ASIC2: variants seen among roughly 807,000 people sequenced by gnomAD.
The protein encoded by ASIC2 is acid-sensing ion channel 2.
A neutral mutation model predicts 57.3 loss-of-function variants in ASIC2; 25 were observed. That is an observed-to-expected ratio of 0.44 (90% confidence interval 0.32 to 0.61). The LOEUF is 0.61. Ranked by LOEUF, ASIC2 falls within the 20% of genes least tolerant of loss-of-function variation. The pLI, the probability that ASIC2 is intolerant of heterozygous loss-of-function variation, is 0.06. For missense variants in ASIC2, 641 were observed against 738.1 expected, an observed-to-expected ratio of 0.87 and a Z score of 1.52; for synonymous variants, 319 against 307.5, an observed-to-expected ratio of 1.04 and a Z score of -0.39.
At chr17:33,513,544 T>A (rs1914485189) in intron 1 of ASIC2, among the ~76,000 whole-genome samples, 1 of 152,042 alleles carries the variant, frequency 6.6e-6, no homozygotes. Flanking sequence ...TGAAGAGGAG[T>A]TGGCTCCAAA....
chr17:33,433,253 C>A (rs1475314260), intron 1 of ASIC2, among the ~76,000 whole-genome samples: 1 of 152,168 alleles, frequency 6.6e-6, no homozygotes, highest in Non-Finnish European at 1.5e-5. Flanking sequence ...TTTGCAGGAA[C>A]ATGGATGGAG....
rs80132364 is a variant in ASIC2 at position 33,971,756 on chromosome 17, G to T, written c.555+184222C>A. Among the ~76,000 whole-genome samples, 1,201 of 152,220 alleles carry T rather than the reference G, an allele frequency of 7.9e-3. 11 individuals are homozygous for T. The highest frequency in any genetic ancestry group is 0.027 in the African/African-American group (1,122 of 41,546). ...AGAGGCTTTGATAAGATTATACAGA[G>T]CTGGGACTCAAACTTGGATCTTCAG... On this transcript the variant is annotated intron_variant, in intron 1 of 9. Transcript: ENST00000359872.
chr17:33,114,799 G>T (rs2092274268), intron 1 of ASIC2, among the ~76,000 whole-genome samples: 1 of 152,228 alleles, frequency 6.6e-6, no homozygotes, highest in South Asian at 2.1e-4. Flanking sequence ...GAGAGGAAAT[G>T]ACTTGCTAAA....
chr17:33,141,450 A>G (rs1439781734), intron 1 of ASIC2, among the ~76,000 whole-genome samples: 1 of 152,214 alleles, frequency 6.6e-6, no homozygotes, highest in Non-Finnish European at 1.5e-5. Context: ...GGCAAGGAAA[A>G]GCGGCATAAA....
At chr17:33,566,487 T>C (rs997108676) in intron 1 of ASIC2, among the ~76,000 whole-genome samples, 2 of 152,146 alleles carry the variant, frequency 1.3e-5, no homozygotes, top group Admixed American at 6.5e-5. Context: ...AGTAGGCAAC[T>C]ACAAGTTTGT....
At chr17:33,083,771 G>A (rs1051672814) in intron 3 of ASIC2, among the ~76,000 whole-genome samples, 54 of 152,178 alleles carry the variant, frequency 3.5e-4, no homozygotes, top group African/African-American at 1.3e-3. Flanking sequence ...GGAGGTTGGA[G>A]AGGTGAGCTG....
intron 1 of ASIC2, among the ~76,000 whole-genome samples, chr17:33,524,091 G>A (rs1055966608): frequency 6.6e-6 from 1 of 152,080 alleles, no homozygotes; most frequent in African/African-American, 2.4e-5. Context: ...CATGCCCCTG[G>A]GCCAATGCTG....
intron 1 of ASIC2, among the ~76,000 whole-genome samples, chr17:33,680,168 C>T (rs1160938675): frequency 6.6e-6 from 1 of 152,118 alleles, no homozygotes; most frequent in Non-Finnish European, 1.5e-5. Flanking sequence ...AACCCCTATT[C>T]TTGGGCCTTC....
chr17:34,098,874 T>C (rs190456908), intron 1 of ASIC2, among the ~76,000 whole-genome samples: 5 of 152,110 alleles, frequency 3.3e-5, no homozygotes, highest in Admixed American at 3.3e-4. Flanking sequence ...GGTTCTCAGT[T>C]GACAGAGGAG....
chr17:33,508,763 C>A (rs190299105), intron 1 of ASIC2, among the ~76,000 whole-genome samples: 156 of 152,324 alleles, frequency 1.0e-3, no homozygotes, highest in African/African-American at 3.7e-3. Context: ...ATCCTTCCAA[C>A]CTGGCACTGT....
intron 1 of ASIC2, chr17:33,680,948 A>T (rs74936196): frequency 7.9e-5 from 12 of 152,238 alleles, no homozygotes; most frequent in Admixed American, 5.2e-4. Flanking sequence ...ACAAAACTGG[A>T]TTGGCCCCTG....
chr17:33,727,489 G>T (rs971479281), intron 1 of ASIC2, among the ~76,000 whole-genome samples: 1 of 152,170 alleles, frequency 6.6e-6, no homozygotes, highest in South Asian at 2.1e-4. Flanking sequence ...TGGAGGTGGG[G>T]CCTGGTGATT....
chr17:33,138,524 C>T (rs574324858), intron 1 of ASIC2, among the ~76,000 whole-genome samples: 1 of 152,328 alleles, frequency 6.6e-6, no homozygotes, highest in East Asian at 1.9e-4. Flanking sequence ...GACTAGTACA[C>T]TTCTTCCTGC....
At chr17:33,723,109 A>G (rs990764107) in intron 1 of ASIC2, among the ~76,000 whole-genome samples, 1 of 152,216 alleles carries the variant, frequency 6.6e-6, no homozygotes, top group African/African-American at 2.4e-5. Flanking sequence ...CCAAAGCTGA[A>G]TACTGAATAC....
chr17:33,145,159 A>G (rs1378007297), intron 1 of ASIC2, among the ~76,000 whole-genome samples: 2 of 152,304 alleles, frequency 1.3e-5, no homozygotes, highest in East Asian at 3.9e-4. Flanking sequence ...TCTGCAAACT[A>G]TATTTTCTGG....
intron 1 of ASIC2, among the ~76,000 whole-genome samples, chr17:33,651,590 C>A (rs1567679604): frequency 6.6e-6 from 1 of 152,182 alleles, no homozygotes; most frequent in African/African-American, 2.4e-5. Context: ...CTTACTTATG[C>A]CACTCATTTC....
intron 1 of ASIC2, among the ~76,000 whole-genome samples, chr17:33,235,912 C>A (rs1282865989): frequency 6.6e-6 from 1 of 152,152 alleles, no homozygotes; most frequent in East Asian, 1.9e-4. Flanking sequence ...TCTCAGCTCA[C>A]TGCGACCTCC....
intron 3 of ASIC2, among the ~76,000 whole-genome samples, chr17:33,039,381 T>C (rs1402755171): frequency 6.6e-6 from 1 of 152,174 alleles, no homozygotes; most frequent in Non-Finnish European, 1.5e-5. Flanking sequence ...GTGTCTGAGA[T>C]CCTGGCTCGT....
chr17:33,520,228 T>C (rs1306055120), intron 1 of ASIC2, among the ~76,000 whole-genome samples: 3 of 152,168 alleles, frequency 2.0e-5, no homozygotes, highest in African/African-American at 7.2e-5. Flanking sequence ...AGTATAGCTG[T>C]TCTACTTGAA....
Sources: allele counts gnomAD v4.1 joint callset (sites outside exome capture counted in the v4.1 genomes callset), GRCh38; gene constraint gnomAD v4.1.1; transcripts MANE v1.5; gene names NCBI Gene and HGNC (gene_info 2026-07-23, HGNC 2026-07-21).